Variants in PACS1 observed in about 807,000 individuals in gnomAD.
PACS1 encodes phosphofurin acidic cluster sorting protein 1.
Under a neutral mutation model 115.0 loss-of-function variants are expected in PACS1, and 24 were observed. The observed-to-expected ratio is 0.21, with a 90% CI of 0.15 to 0.29. The LOEUF (loss-of-function observed/expected upper bound fraction) is 0.29. PACS1 is among the 10% of genes least tolerant of loss of function. The pLI is 1.00. For missense variants in PACS1, 838 were observed against 1,251.2 expected, an observed-to-expected ratio of 0.67 and a Z score of 4.98; for synonymous variants, 453 against 504.5, an observed-to-expected ratio of 0.90 and a Z score of 1.37.
Position 66,233,190 on chromosome 11 carries a change from G to A in PACS1, c.1838+124G>A, listed in dbSNP as rs928838215. On this transcript the variant is annotated intron_variant, in intron 15 of 23. Transcript: ENST00000320580. This position sits in a 1 kb window ranked among gnomAD's most constrained non-coding sequence, Gnocchi z 4.5. ...TCAGACCAAGAATTTGCAGAGGGGC[G>A]TATGTTTAGGGGGGTGGCGGCAGCA... 3.0e-5 allele frequency: 21 copies of A among 695,156 alleles called. No individual in the cohort carries two copies. The highest frequency in any genetic ancestry group is 3.7e-5 in the Non-Finnish European group (15 of 407,330). The allele number at this position is 695,156 out of a possible 1,614,324, so 43.1% of individuals were successfully genotyped here. A position where few individuals can be genotyped will look rare whatever the true frequency, so the allele number is the denominator to read the frequency against.
intron 2 of PACS1, among the ~76,000 whole-genome samples, chr11:66,199,042 G>A (rs968066001): frequency 9.9e-5 from 15 of 152,176 alleles, no homozygotes; most frequent in African/African-American, 3.6e-4. Flanking sequence ...AGGGCCGGGC[G>A]TGGTGGCTCA....
chr11:66,221,105 C>T, intron 9 of PACS1, 49 bp from the exon 10 acceptor site: 1 of 1,534,304 alleles, frequency 6.5e-7, no homozygotes, highest in Non-Finnish European at 9.0e-7. Flanking sequence ...TCCCAGCATG[C>T]TGTTCTGAGC....
intron 1 of PACS1, among the ~76,000 whole-genome samples, chr11:66,089,049 G>A (rs967738463): frequency 6.6e-6 from 1 of 152,084 alleles, no homozygotes; most frequent in Non-Finnish European, 1.5e-5. Flanking sequence ...TTTTTAAGCT[G>A]TAGGCCCTAC....
chr11:66,235,454 G>C lies in PACS1; in HGVS notation c.2207+51G>C. Reference sequence around the variant, plus strand: ...TAAAAATAGGTTGGGTGGGTTAGAGGAATCTTGAGTCTTCCTTGCTTTCTC... The same window carrying C: ...TAAAAATAGGTTGGGTGGGTTAGAGCAATCTTGAGTCTTCCTTGCTTTCTC... On this transcript the variant is annotated intron_variant, in intron 18 of 23. Transcript: ENST00000320580. This position sits in a 1 kb window ranked among gnomAD's most constrained non-coding sequence, Gnocchi z 5.6. 8.0e-7 allele frequency: 1 copy of C among 1,256,782 alleles called. No individual in the cohort carries two copies. Among genetic ancestry groups the C allele is most frequent in the Non-Finnish European group, 1.2e-6 (1 of 857,818 alleles). The allele number at this position is 1,256,782 out of a possible 1,614,324, so 77.9% of individuals were successfully genotyped here. A position where few individuals can be genotyped will look rare whatever the true frequency, so the allele number is the denominator to read the frequency against.
intron 4 of PACS1, among the ~76,000 whole-genome samples, chr11:66,213,894 A>C (rs928543827): frequency 6.6e-6 from 1 of 151,966 alleles, no homozygotes; most frequent in African/African-American, 2.4e-5. Flanking sequence ...TTAGCCGGGC[A>C]TGGTGGCGGG....
chr11:66,096,663 C>T (rs1857790135), intron 1 of PACS1, among the ~76,000 whole-genome samples: 1 of 151,878 alleles, frequency 6.6e-6, no homozygotes, highest in Non-Finnish European at 1.5e-5. Flanking sequence ...GCCACCATGC[C>T]TGGCTAATTT....
intron 1 of PACS1, among the ~76,000 whole-genome samples, chr11:66,168,325 C>T (rs953558223): frequency 6.6e-6 from 1 of 150,648 alleles, no homozygotes; most frequent in Non-Finnish European, 1.5e-5. Context: ...TAGAGTGTCT[C>T]TTGTGCATGA....
intron 1 of PACS1, among the ~76,000 whole-genome samples, chr11:66,182,912 G>C (rs910545028): frequency 4.4e-4 from 67 of 152,248 alleles, no homozygotes; most frequent in Middle Eastern, 3.4e-3. Flanking sequence ...CGGGCAGATC[G>C]CTTGAACTGG....
intron 4 of PACS1, among the ~76,000 whole-genome samples, chr11:66,211,988 C>T (rs1388598353): frequency 6.6e-6 from 1 of 152,146 alleles, no homozygotes; most frequent in Non-Finnish European, 1.5e-5. Flanking sequence ...AGTCCAGGTT[C>T]GCCTGATGTT....
At chr11:66,125,646 A>T (rs563348095) in intron 1 of PACS1, among the ~76,000 whole-genome samples, 4 of 152,322 alleles carry the variant, frequency 2.6e-5, no homozygotes, top group African/African-American at 9.6e-5. Context: ...CTCTAGTCTT[A>T]CTCTAACCAG....
rs9787882 is a variant in PACS1 at position 66,087,080 on chromosome 11, A to T, written c.356+16238A>T. ...ATAAGCAGCACTCACATCAAGAAAC[A>T]ACATTACCAACGCCCCAGAACATTA... On this transcript the variant is annotated intron_variant, in intron 1 of 23. Transcript: ENST00000320580. Among the ~76,000 whole-genome samples the T allele has an allele frequency of 8.3e-3, 1,266 of 152,182 alleles. 90 individuals carry two copies. The East Asian group carries it at 0.17, about 21-fold the overall frequency.
At chr11:66,214,822 ATGTT>A (rs1855162555) in intron 4 of PACS1, among the ~76,000 whole-genome samples, 1 of 151,344 alleles carries the variant, frequency 6.6e-6, no homozygotes, top group African/African-American at 2.4e-5. Context: ...GGGTTCCACC[ATGTT>A]GCTCAGGCTG....
rs1251399959 is a variant in PACS1 at position 66,233,044 on chromosome 11, C to T, written c.1816C>T (p.Leu606=). The T allele has an allele frequency of 3.1e-6, 5 of 1,610,342 alleles. No individual in the cohort carries two copies. The highest frequency in any genetic ancestry group is 4.2e-6 in the Non-Finnish European group (5 of 1,179,750). The change falls in exon 15 of 24, where the codon CTG becomes TTG. Residue 606 remains leucine, a synonymous_variant. Coordinates refer to ENST00000320580, the MANE Select transcript of PACS1 (RefSeq NM_018026.4). The surrounding 1 kb of genome is among the most constrained non-coding windows in gnomAD (Gnocchi z 4.5). ...GGAGGTCCAGGCCGTGCTGTCCGCC[C>T]TGCTCACCCGGATCCAGCGCTAGTA... ...TVEVQAVLSA[L]LTRIQRYCNC... is the part of the protein sequence containing the mutation.
chr11:66,086,456 C>G (rs1565100996), intron 1 of PACS1, among the ~76,000 whole-genome samples: 1 of 151,650 alleles, frequency 6.6e-6, no homozygotes, highest in Non-Finnish European at 1.5e-5. Context: ...CTCTTTAGGT[C>G]TAGGCTGAGA....
intron 1 of PACS1, among the ~76,000 whole-genome samples, chr11:66,148,518 C>T (rs1859172776): frequency 6.6e-6 from 1 of 152,200 alleles, no homozygotes; most frequent in African/African-American, 2.4e-5. Flanking sequence ...ATCATAGAAA[C>T]ACTACAATAA....
intron 10 of PACS1, among the ~76,000 whole-genome samples, chr11:66,223,380 C>T (rs547111708): frequency 1.5e-5 from 2 of 133,848 alleles, no homozygotes; most frequent in South Asian, 2.5e-4. Flanking sequence ...AGGCTTGAGC[C>T]GCTGTGCCCG....
At chr11:66,184,247 A>C (rs1207925906) in intron 1 of PACS1, among the ~76,000 whole-genome samples, 2 of 131,934 alleles carry the variant, frequency 1.5e-5, no homozygotes, top group Non-Finnish European at 3.1e-5. Flanking sequence ...TGAGAGGCGG[A>C]GGCTGCGGTG....
In PACS1 at chr11:66,221,390, G is replaced by C. The variant is rs1415366337; in HGVS notation, c.1293+143G>C. ...TGGCTGGGCATGGTGGATCACAACT[G>C]TAATCCTGGCACTTTGGGAGGTGGA... On this transcript the variant is annotated intron_variant, in intron 10 of 23. Transcript: ENST00000320580. 7 of 695,250 alleles carry C rather than the reference G, an allele frequency of 1.0e-5. No individual in the cohort carries two copies. In the East Asian group the frequency reaches 1.9e-4, roughly 19 times the overall value. 43.1% of individuals were successfully genotyped at this position (695,250 alleles called of 1,614,324 possible). A position where few individuals can be genotyped will look rare whatever the true frequency, so the allele number is the denominator to read the frequency against.
intron 1 of PACS1, among the ~76,000 whole-genome samples, chr11:66,096,801 C>T (rs1450219026): frequency 2.0e-5 from 3 of 152,012 alleles, no homozygotes; most frequent in Non-Finnish European, 4.4e-5. Flanking sequence ...CGCGCCCAGC[C>T]GCTGTGAACA....
Sources: gnomAD v4.1 joint callset for allele counts (sites outside exome capture counted in the v4.1 genomes callset) on GRCh38, gnomAD v4.1.1 for gene constraint, Gnocchi (gnomAD v3.1) non-coding constraint, MANE v1.5 for transcripts, NCBI Gene and HGNC (gene_info 2026-07-23, HGNC 2026-07-21) for gene names.